FRMD4B: variants seen among roughly 807,000 people sequenced by gnomAD.
FRMD4B encodes the protein FERM domain containing 4B.
In FRMD4B, 74 loss-of-function variants were observed where a neutral mutation model predicts 141.5. That is an observed-to-expected ratio of 0.52 (90% confidence interval 0.43 to 0.63). The LOEUF (loss-of-function observed/expected upper bound fraction) is 0.63, where lower values mean the gene tolerates loss of function less well. Among genes scored for constraint, FRMD4B ranks in the 30% least tolerant of loss-of-function variants. FRMD4B has a pLI of 0.00. For missense variants in FRMD4B, 1,366 were observed against 1,253.4 expected, an observed-to-expected ratio of 1.09 and a Z score of -1.36; for synonymous variants, 506 against 467.9, an observed-to-expected ratio of 1.08 and a Z score of -1.05.
chr3:69,168,867 A>G lies in FRMD4B; in HGVS notation c.*2994T>C, dbSNP rs1043618682. Among the ~76,000 whole-genome samples the G allele has an allele frequency of 6.6e-6, 1 of 152,220 alleles. No individual in the cohort carries two copies. Among genetic ancestry groups the G allele is most frequent in the African/African-American group, 2.4e-5 (1 of 41,472 alleles). ...AGAATTTTGAAAATTTTTGTCAAATATAGAAAAATAGATAAACATCTAGTA... is the reference window on the plus strand; with the variant it reads ...AGAATTTTGAAAATTTTTGTCAAATGTAGAAAAATAGATAAACATCTAGTA... On this transcript the variant is annotated 3_prime_UTR_variant, in exon 23 of 23. Coordinates refer to ENST00000398540, the MANE Select transcript of FRMD4B (RefSeq NM_015123.3).
intron 1 of FRMD4B, among the ~76,000 whole-genome samples, chr3:69,321,191 C>T (rs1019273735): frequency 6.6e-6 from 1 of 152,046 alleles, no homozygotes; most frequent in Non-Finnish European, 1.5e-5. Context: ...AAAGGCAATT[C>T]AAGACAGGGC....
intron 2 of FRMD4B, among the ~76,000 whole-genome samples, chr3:69,397,752 G>A (rs1426273151): frequency 1.3e-5 from 2 of 151,382 alleles, no homozygotes; most frequent in African/African-American, 2.4e-5. Flanking sequence ...ATTAGTACAG[G>A]GTTTTTTTTG....
chr3:69,368,887 T>C (rs908959467), intron 1 of FRMD4B, among the ~76,000 whole-genome samples: 9 of 152,140 alleles, frequency 5.9e-5, no homozygotes, highest in African/African-American at 2.2e-4. Context: ...TCTTGAACTC[T>C]TGGGCTCAAG....
At chr3:69,208,632 G>A (rs1422818384) in intron 11 of FRMD4B, among the ~76,000 whole-genome samples, 1 of 151,944 alleles carries the variant, frequency 6.6e-6, no homozygotes, top group Non-Finnish European at 1.5e-5. Flanking sequence ...CCTCAGAGAG[G>A]CTTTCCCTGA....
chr3:69,532,978 C>T (rs923943995), intron 1 of FRMD4B, among the ~76,000 whole-genome samples: 4 of 152,234 alleles, frequency 2.6e-5, no homozygotes, highest in African/African-American at 9.6e-5. Context: ...AACTGTCTGT[C>T]TAGGCTACTT....
chr3:69,233,797 A>C (rs1575639500), intron 7 of FRMD4B, among the ~76,000 whole-genome samples: 1 of 152,178 alleles, frequency 6.6e-6, no homozygotes, highest in East Asian at 1.9e-4. Context: ...GAATGGAGCT[A>C]ATTGGAAACA....
chr3:69,448,587 C>T (rs1473100398), intron 1 of FRMD4B, among the ~76,000 whole-genome samples: 1 of 152,158 alleles, frequency 6.6e-6, no homozygotes, highest in Non-Finnish European at 1.5e-5. Flanking sequence ...TGGCATCTCA[C>T]TGTGATTTGA....
At chr3:69,445,592 T>C (rs1203122401) in intron 1 of FRMD4B, among the ~76,000 whole-genome samples, 1 of 152,182 alleles carries the variant, frequency 6.6e-6, no homozygotes, top group Non-Finnish European at 1.5e-5. Context: ...TGAAATCTCA[T>C]TTCATGCCAG....
At position 69,348,528 on chromosome 3, in the gene FRMD4B, C is replaced by T. The variant is rs975029390; in HGVS notation, c.163-35011G>A. 1.4e-4 allele frequency among the ~76,000 whole-genome samples: 21 copies of T among 151,966 alleles called. No individual in the cohort carries two copies. In the South Asian group the frequency reaches 1.5e-3, roughly 11 times the overall value. On this transcript the variant is annotated intron_variant, in intron 1 of 22. Transcript: ENST00000398540. ...ATACCAAAGGCTGGCAGAGACACAA[C>T]AAAAAAAGAGAATTTTAGACCAATA...
intron 1 of FRMD4B, among the ~76,000 whole-genome samples, chr3:69,331,720 A>C (rs778457046): frequency 5.3e-5 from 8 of 152,120 alleles, no homozygotes; most frequent in Non-Finnish European, 8.8e-5. Context: ...AGATGTATAA[A>C]ATGCTTGGCA....
chr3:69,516,463 G>C (rs913183507), intron 1 of FRMD4B, among the ~76,000 whole-genome samples: 4 of 152,102 alleles, frequency 2.6e-5, no homozygotes, highest in Admixed American at 2.6e-4. Flanking sequence ...AATGGAGAAA[G>C]GAGCCCAAAG....
chr3:69,524,258 C>T (rs1700900034), intron 1 of FRMD4B, among the ~76,000 whole-genome samples: 1 of 152,160 alleles, frequency 6.6e-6, no homozygotes, highest in Admixed American at 6.5e-5. Context: ...CTGTGCTGAG[C>T]ATCTTATCCT....
chr3:69,189,480 C>A (rs1318442277), intron 18 of FRMD4B, among the ~76,000 whole-genome samples: 1 of 151,996 alleles, frequency 6.6e-6, no homozygotes, highest in Non-Finnish European at 1.5e-5. Flanking sequence ...AATCTAATAT[C>A]CTGGTTTTGA....
intron 1 of FRMD4B, among the ~76,000 whole-genome samples, chr3:69,345,308 G>C (rs1329005877): frequency 6.6e-6 from 1 of 152,218 alleles, no homozygotes; most frequent in African/African-American, 2.4e-5. Flanking sequence ...CGCCATTGCT[G>C]AGGCTTGAGT....
At chr3:69,347,620 A>T (rs1269262889) in intron 1 of FRMD4B, among the ~76,000 whole-genome samples, 1 of 152,250 alleles carries the variant, frequency 6.6e-6, no homozygotes, top group Non-Finnish European at 1.5e-5. Context: ...AACAGAAATT[A>T]TAACAAACGG....
intron 8 of FRMD4B, 131 bp from the exon 9 acceptor site, chr3:69,222,054 G>A (rs766916147): frequency 3.7e-5 from 24 of 648,832 alleles, no homozygotes; most frequent in Non-Finnish European, 6.2e-5. Context: ...GGTAGATAGA[G>A]TTTGGCTTTT....
chr3:69,446,028 T>C (rs1385590304), intron 1 of FRMD4B, among the ~76,000 whole-genome samples: 1 of 152,118 alleles, frequency 6.6e-6, no homozygotes, highest in Non-Finnish European at 1.5e-5. Context: ...TGTTGATTTA[T>C]TTATTTATTT....
chr3:69,235,403 T>C (rs950248958), intron 7 of FRMD4B, among the ~76,000 whole-genome samples: 1 of 151,842 alleles, frequency 6.6e-6, no homozygotes, highest in African/African-American at 2.4e-5. Flanking sequence ...CTCATGCCTG[T>C]AATCCCAGCA....
At chr3:69,514,648 A>G (rs1054977927) in intron 1 of FRMD4B, among the ~76,000 whole-genome samples, 16 of 152,108 alleles carry the variant, frequency 1.1e-4, no homozygotes, top group Non-Finnish European at 1.0e-4. Flanking sequence ...AGATCATGCC[A>G]TTGCATTCCA....
Sources: allele counts gnomAD v4.1 joint callset (sites outside exome capture counted in the v4.1 genomes callset), GRCh38; gene constraint gnomAD v4.1.1; transcripts MANE v1.5; gene names NCBI Gene and HGNC (gene_info 2026-07-23, HGNC 2026-07-21).